The following CELF2 variants were observed in gnomAD, a reference collection of about 807,000 sequenced individuals.
The protein encoded by CELF2 is CUGBP Elav-like family member 2.
In CELF2, 8 loss-of-function variants were observed where a neutral mutation model predicts 62.6. The ratio of observed to expected loss-of-function variants is 0.13; its 90% CI spans 0.07 to 0.23. CELF2 has a LOEUF of 0.23. CELF2 is among the 10% of genes least tolerant of loss of function. The pLI, the probability that CELF2 is intolerant of heterozygous loss-of-function variation, is 1.00. For synonymous variants in CELF2, 258 were observed against 250.0 expected (o/e 1.03, Z -0.30); for missense variants, 333 against 671.0 (o/e 0.50, Z 5.56).
chr10:11,016,047 CCTTT>C (rs1182294942), upstream of CELF2, among the ~76,000 whole-genome samples: 11 of 152,152 alleles, frequency 7.2e-5, no homozygotes, highest in African/African-American at 2.7e-4. The surrounding 1 kb of genome is among the most constrained non-coding windows in gnomAD (Gnocchi z 5.2). Flanking sequence ...CAAGTCTGCT[CCTTT>C]CTTAAAATAA....
chr10:11,114,176 C>G (rs777160924), intron 1 of CELF2, among the ~76,000 whole-genome samples: 11 of 152,162 alleles, frequency 7.2e-5, no homozygotes, highest in Non-Finnish European at 1.2e-4. Flanking sequence ...TGGTCTCTCT[C>G]ATTTTAATAC....
chr10:11,228,287 G>C (rs2067291129), intron 3 of CELF2, among the ~76,000 whole-genome samples: 1 of 152,166 alleles, frequency 6.6e-6, no homozygotes, highest in African/African-American at 2.4e-5. Flanking sequence ...TGTTTACTAT[G>C]TCCTCAGAAC....
chr10:10,513,505 A>G, the CELF2 span, among the ~76,000 whole-genome samples: 1 of 152,168 alleles, frequency 6.6e-6, no homozygotes, highest in Non-Finnish European at 1.5e-5. Flanking sequence ...CCTTCATCCA[A>G]TATAAACTGG....
chr10:10,713,998 G>A, the CELF2 span, among the ~76,000 whole-genome samples: 4 of 152,174 alleles, frequency 2.6e-5, no homozygotes, highest in East Asian at 1.9e-4. Flanking sequence ...TTGCATCGCC[G>A]CACTCCAGCC....
intron 1 of CELF2, chr10:10,919,814 C>T (rs1564819977): frequency 2.2e-6 from 1 of 457,926 alleles, no homozygotes; most frequent in South Asian, 1.2e-4. Flanking sequence ...ATCAGAAATG[C>T]AATTAATCAA....
chr10:10,580,605 A>T, the CELF2 span, among the ~76,000 whole-genome samples: 1 of 152,206 alleles, frequency 6.6e-6, no homozygotes. Context: ...TTAAAACAGA[A>T]TGATTGAAAC....
intron 1 of CELF2, among the ~76,000 whole-genome samples, chr10:11,139,260 T>C (rs998594995): frequency 1.3e-5 from 2 of 152,252 alleles, no homozygotes; most frequent in African/African-American, 4.8e-5. Context: ...TATAGCTTGC[T>C]ACTATCTTTA....
At chr10:10,828,100 G>T (rs1182595718) in intron 1 of CELF2, among the ~76,000 whole-genome samples, 3 of 151,006 alleles carry the variant, frequency 2.0e-5, no homozygotes, top group Admixed American at 6.6e-5. Flanking sequence ...ACAGTATGAT[G>T]GTTTCTCAAA....
At chr10:10,566,533 G>C in the CELF2 span, among the ~76,000 whole-genome samples, 50 of 150,124 alleles carry the variant, frequency 3.3e-4, 1 homozygote, top group South Asian at 6.4e-3. Context: ...TCGTCATCTA[G>C]CATTAGGTAT....
At chr10:10,483,623 C>T in the CELF2 span, among the ~76,000 whole-genome samples, 2 of 152,208 alleles carry the variant, frequency 1.3e-5, no homozygotes, top group East Asian at 3.9e-4. Flanking sequence ...TTTTGCTTAA[C>T]CTTAATTTAG....
At chr10:10,594,481 G>C in the CELF2 span, among the ~76,000 whole-genome samples, 1 of 152,206 alleles carries the variant, frequency 6.6e-6, no homozygotes, top group Non-Finnish European at 1.5e-5. Flanking sequence ...ATTAGAAGGG[G>C]CTAAGCTCAG....
rs1283470822 is a variant in CELF2, at chr10:11,270,038, T to C, written c.619-628T>C. Among the ~76,000 whole-genome samples the C allele has an allele frequency of 6.6e-6, 1 of 152,190 alleles. No individual in the cohort carries two copies. The highest frequency in any genetic ancestry group is 1.5e-5 in the Non-Finnish European group (1 of 68,046). On this transcript the variant is annotated intron_variant, in intron 6 of 12. Transcript: ENST00000633077. The surrounding 1 kb of genome is among the most constrained non-coding windows in gnomAD (Gnocchi z 5.8). ...CAGGTGTGCTGAGGGAAGAGGCCTC[T>C]CTGAAAACGTGAACGGTTACTTTGG...
chr10:10,915,061 G>A (rs948439781), intron 1 of CELF2, among the ~76,000 whole-genome samples: 4 of 151,476 alleles, frequency 2.6e-5, no homozygotes, highest in African/African-American at 9.7e-5. Context: ...GATCCTGGGA[G>A]GCGGAGGTTG....
At chr10:10,620,793 C>T in the CELF2 span, among the ~76,000 whole-genome samples, 1 of 126,874 alleles carries the variant, frequency 7.9e-6, no homozygotes, top group South Asian at 2.6e-4. Flanking sequence ...GTAGGTAGTC[C>T]CAGCGTCCCA....
intron 1 of CELF2, among the ~76,000 whole-genome samples, chr10:10,829,363 AC>A (rs2057663888): frequency 6.6e-6 from 1 of 152,180 alleles, no homozygotes; most frequent in Non-Finnish European, 1.5e-5. Context: ...GGAGTTAGGA[AC>A]CCTGAATCTT....
At chr10:11,071,208 C>T (rs2069858215) in intron 1 of CELF2, among the ~76,000 whole-genome samples, 1 of 152,194 alleles carries the variant, frequency 6.6e-6, no homozygotes, top group South Asian at 2.1e-4. Flanking sequence ...CCCTGAGTTC[C>T]ACTTGGCCTG....
chr10:10,645,349 G>A, the CELF2 span, among the ~76,000 whole-genome samples: 24 of 152,220 alleles, frequency 1.6e-4, no homozygotes, highest in Admixed American at 4.6e-4. Flanking sequence ...AACCTTTGTC[G>A]CAATTGTGAT....
At chr10:11,084,081 T>G (rs1232853047) in intron 1 of CELF2, among the ~76,000 whole-genome samples, 1 of 152,214 alleles carries the variant, frequency 6.6e-6, no homozygotes, top group Non-Finnish European at 1.5e-5. Flanking sequence ...AAGTAATGTT[T>G]TGGCAAGGAA....
chr10:10,932,363 T>A (rs1210610701), intron 2 of CELF2, among the ~76,000 whole-genome samples: 1 of 152,156 alleles, frequency 6.6e-6, no homozygotes, highest in East Asian at 1.9e-4. Context: ...AATTAATTTA[T>A]GTATACTGGA....
Sources: gnomAD v4.1 joint callset for allele counts (sites outside exome capture counted in the v4.1 genomes callset) on GRCh38, gnomAD v4.1.1 for gene constraint, Gnocchi (gnomAD v3.1) non-coding constraint, MANE v1.5 for transcripts, NCBI Gene and HGNC (gene_info 2026-07-23, HGNC 2026-07-21) for gene names.